LMO2: variants seen among roughly 807,000 people sequenced by gnomAD.
LMO2 encodes the protein rhombotin-2.
In LMO2, 20 loss-of-function variants were observed where a neutral mutation model predicts 23.2. The ratio of observed to expected loss-of-function variants is 0.86; its 90% CI spans 0.61 to 1.25. The LOEUF is 1.25. Among genes scored for constraint, LMO2 ranks in the 50% most tolerant of loss-of-function variants. The pLI is 0.00. For missense variants in LMO2, 270 were observed against 315.3 expected (o/e 0.86, Z 1.09); for synonymous variants, 123 against 130.2 (o/e 0.94, Z 0.38).
chr11:33,889,832 A>G (rs1049177797), intron 1 of LMO2, among the ~76,000 whole-genome samples: 3 of 152,226 alleles, frequency 2.0e-5, no homozygotes, highest in Non-Finnish European at 2.9e-5. Context: ...ATAATTAGAT[A>G]CCTGCACTTG....
chr11:33,874,147 T>C (rs966813227), intron 2 of LMO2, among the ~76,000 whole-genome samples: 3 of 152,228 alleles, frequency 2.0e-5, no homozygotes, highest in Non-Finnish European at 4.4e-5. Context: ...ACTATTCGGT[T>C]GTCACAGGCA....
At chr11:33,881,943 AAGAG>A (rs1285963421) in intron 1 of LMO2, 56 bp from the exon 2 acceptor site, 1 of 152,574 alleles carries the variant, frequency 6.6e-6, no homozygotes, top group African/African-American at 2.4e-5. Context: ...AGAAAGGAGA[AAGAG>A]AGAGAAAAAA....
chr11:33,860,808 A>C (rs569066682), intron 5 of LMO2, among the ~76,000 whole-genome samples: 1 of 152,236 alleles, frequency 6.6e-6, no homozygotes, highest in East Asian at 1.9e-4. Flanking sequence ...ACAAAAAAAC[A>C]AATTCTCAGC....
Position 33,870,779 on chromosome 11 carries a change from CAG to C in LMO2, c.-271-794_-271-793del, listed in dbSNP as rs3832712. The stretch of plus-strand genomic sequence containing the variant: ...CTTTTTCAATGGTCAAGAACAGGAT[CAG>C]AGAGATTATTTTGCCCTGGGTCAGG... On this transcript the variant is annotated intron_variant, in intron 2 of 5. Coordinates refer to ENST00000257818, the MANE Select transcript of LMO2 (RefSeq NM_005574.4). Among the ~76,000 whole-genome samples, 1,233 of 152,302 alleles carry C rather than the reference CAG, an allele frequency of 8.1e-3. 19 individuals carry two copies. The highest frequency in any genetic ancestry group is 0.08 in the East Asian group (412 of 5,178).
In LMO2 at chr11:33,859,327, C is replaced by T. The variant is rs779579870; in HGVS notation, c.*29G>A. 1 of 1,553,216 alleles carries T rather than the reference C, an allele frequency of 6.4e-7. No individual in the cohort carries two copies. Among genetic ancestry groups the T allele is most frequent in the Non-Finnish European group, 8.9e-7 (1 of 1,125,998 alleles). On this transcript the variant is annotated 3_prime_UTR_variant, in exon 6 of 6. Transcript: ENST00000257818. ...ATGGAGACGGCGTCTTCAGTGAACA[C>T]CTCCCCAAAGATGCCCGGGGACTCG...
chr11:33,885,473 T>G (rs998508915), intron 1 of LMO2, among the ~76,000 whole-genome samples: 4 of 152,162 alleles, frequency 2.6e-5, no homozygotes, highest in Non-Finnish European at 5.9e-5. Context: ...GGCCTGCTCA[T>G]GGGGGCAGAT....
At chr11:33,872,345 G>C (rs1437412351) in intron 2 of LMO2, among the ~76,000 whole-genome samples, 1 of 152,142 alleles carries the variant, frequency 6.6e-6, no homozygotes, top group African/African-American at 2.4e-5. Context: ...CTGTAAAATG[G>C]AGACGACAGA....
chr11:33,860,418 GTGT>G (rs2133683628), intron 5 of LMO2, among the ~76,000 whole-genome samples: 1 of 152,284 alleles, frequency 6.6e-6, no homozygotes, highest in South Asian at 2.1e-4. Context: ...GGTTCTCAAA[GTGT>G]TGGTCCTGGG....
At position 33,862,305 on chromosome 11, in the gene LMO2, G is replaced by T. The variant is rs565727522; in HGVS notation, c.464+2297C>A. On this transcript the variant is annotated intron_variant, in intron 5 of 5. Transcript: ENST00000257818. The stretch of plus-strand genomic sequence containing the variant: ...TGTCACTGGTTAAGGTCCGTTGGGG[G>T]TCTAGTTGGGGCAGGCATACTTCTG... Among the ~76,000 whole-genome samples the T allele has an allele frequency of 2.0e-5, 3 of 152,288 alleles. No individual in the cohort carries two copies. In the South Asian group the frequency reaches 6.2e-4, roughly 32 times the overall value.
Position 33,869,835 on chromosome 11 carries a change from G to T in LMO2, c.-119C>A. On this transcript the variant is annotated 5_prime_UTR_variant, in exon 3 of 6. Transcript: ENST00000257818. ...CGGAGCCCCTCGCACCTTCGGCCCGGGTCGCGGCGCGCTGCTCGCCGCCGA... is the reference window on the plus strand; with the variant it reads ...CGGAGCCCCTCGCACCTTCGGCCCGTGTCGCGGCGCGCTGCTCGCCGCCGA... The T allele has an allele frequency of 9.3e-7, 1 of 1,069,966 alleles. No individual in the cohort carries two copies. Among genetic ancestry groups the T allele is most frequent in the South Asian group, 4.5e-5 (1 of 22,366 alleles). 66.3% of individuals were successfully genotyped at this position (1,069,966 alleles called of 1,614,324 possible). A position where few individuals can be genotyped will look rare whatever the true frequency, so the allele number is the denominator to read the frequency against.
chr11:33,863,070 A>T (rs1856643351), intron 5 of LMO2, among the ~76,000 whole-genome samples: 1 of 152,006 alleles, frequency 6.6e-6, no homozygotes, highest in African/African-American at 2.4e-5. Context: ...TTCTGACCTT[A>T]CTCTATCTGC....
rs1019673847 is a variant in LMO2 at position 33,869,916 on chromosome 11, G to A, written c.-200C>T. The A allele has an allele frequency of 6.7e-6, 7 of 1,050,798 alleles. No homozygotes were observed. Among genetic ancestry groups the A allele is most frequent in the Non-Finnish European group, 8.0e-6 (7 of 871,796 alleles). The allele number at this position is 1,050,798 out of a possible 1,614,324, so 65.1% of individuals were successfully genotyped here. ...GGGAGGGGACCGTGCGTCTCTCTCC[G>A]GGCTTCCTCCTCTCTCGGGAAGGTC... On this transcript the variant is annotated 5_prime_UTR_variant, in exon 3 of 6. Coordinates refer to ENST00000257818, the MANE Select transcript of LMO2 (RefSeq NM_005574.4).
chr11:33,891,385 A>G (rs1224623490), intron 1 of LMO2, among the ~76,000 whole-genome samples: 3 of 48,626 alleles, frequency 6.2e-5, no homozygotes, highest in Non-Finnish European at 1.0e-4. Flanking sequence ...ACACACACAC[A>G]CACATGCACA....
At chr11:33,862,205 G>C (rs2133686721) in intron 5 of LMO2, among the ~76,000 whole-genome samples, 1 of 152,326 alleles carries the variant, frequency 6.6e-6, no homozygotes, top group East Asian at 1.9e-4. Context: ...AAGTCCCTCA[G>C]AGGGGAGGGA....
intron 1 of LMO2, among the ~76,000 whole-genome samples, chr11:33,884,948 C>T (rs1244866210): frequency 6.6e-6 from 1 of 152,128 alleles, no homozygotes; most frequent in Non-Finnish European, 1.5e-5. Flanking sequence ...GGATCTTTCT[C>T]TGAAGTATCT....
chr11:33,874,503 G>A (rs1857091683), intron 2 of LMO2, among the ~76,000 whole-genome samples: 1 of 152,226 alleles, frequency 6.6e-6, no homozygotes, highest in Non-Finnish European at 1.5e-5. Context: ...TTTGAGAGGA[G>A]TCAATAGGAT....
rs553504119 is a variant in LMO2, at chr11:33,891,421, T to G, written c.-336+374A>C. Among the ~76,000 whole-genome samples the G allele has an allele frequency of 4.1e-3, 603 of 148,722 alleles. 3 individuals carry two copies. The highest frequency in any genetic ancestry group is 5.6e-3 in the Non-Finnish European group (379 of 67,474). ...CACACTCACACAGTTGCTGGGGAGA[T>G]CATGGTAAACACAAGCCTCTCTTTT... On this transcript the variant is annotated intron_variant, in intron 1 of 5. Coordinates refer to ENST00000257818, the MANE Select transcript of LMO2 (RefSeq NM_005574.4).
In LMO2 at chr11:33,859,114, T is replaced by C. The variant is rs561498307; in HGVS notation, c.*242A>G. The C allele has an allele frequency of 1.4e-5, 7 of 496,546 alleles. No individual in the cohort carries two copies. Among genetic ancestry groups the C allele is most frequent in the Non-Finnish European group, 7.3e-6 (2 of 272,358 alleles). 30.8% of individuals were successfully genotyped at this position (496,546 alleles called of 1,614,324 possible). Reference sequence around the variant, plus strand: ...TTCTTCTGCTAATCATGTCAGTTACTATGGATGGGCTGTGGCCATAAGTTC... The same window carrying C: ...TTCTTCTGCTAATCATGTCAGTTACCATGGATGGGCTGTGGCCATAAGTTC... On this transcript the variant is annotated 3_prime_UTR_variant, in exon 6 of 6. Transcript: ENST00000257818.
chr11:33,869,412 G>A lies in LMO2; in HGVS notation c.182C>T (p.Pro61Leu). ...QPRATKGAPP[P>L]PGTPPPSPMS... ...TGGGGAGGGAGGCGGGGTGCCGGGC[G>A]GCGGGGGCGCTCCCTTTGTGGCGCG... Residue 61 changes from proline to leucine, a missense_variant, in exon 4 of 6, where the codon CCG becomes CTG. Coordinates refer to ENST00000257818, the MANE Select transcript of LMO2 (RefSeq NM_005574.4). The A allele has an allele frequency of 1.7e-6, 2 of 1,203,198 alleles. No individual in the cohort carries two copies. Among genetic ancestry groups the A allele is most frequent in the Non-Finnish European group, 2.1e-6 (2 of 963,780 alleles). 74.5% of individuals were successfully genotyped at this position (1,203,198 alleles called of 1,614,324 possible).
Sources: allele counts gnomAD v4.1 joint callset (sites outside exome capture counted in the v4.1 genomes callset), GRCh38; gene constraint gnomAD v4.1.1; transcripts MANE v1.5; gene names NCBI Gene and HGNC (gene_info 2026-07-23, HGNC 2026-07-21).